The following CYYR1 variants were observed in gnomAD, a reference collection of about 807,000 sequenced individuals.
The protein encoded by CYYR1 is cysteine and tyrosine-rich protein 1.
In CYYR1, 14 loss-of-function variants were observed where a neutral mutation model predicts 15.2. That is an observed-to-expected ratio of 0.92 (90% CI 0.61 to 1.44). The LOEUF is 1.44. Among genes scored for constraint, CYYR1 ranks in the 40% most tolerant of loss-of-function variants. The pLI, the probability that CYYR1 is intolerant of heterozygous loss-of-function variation, is 0.00. For synonymous variants in CYYR1, 80 were observed against 77.4 expected (o/e 1.03, Z -0.18); for missense variants, 228 against 209.5 (o/e 1.09, Z -0.54).
intron 3 of CYYR1, among the ~76,000 whole-genome samples, chr21:26,472,035 GAA>G (rs1013977287): frequency 3.3e-5 from 5 of 152,232 alleles, no homozygotes; most frequent in South Asian, 2.1e-4. Flanking sequence ...AATTATTTCA[GAA>G]AATTTGGAAA....
chr21:26,531,720 AG>A (rs2065932689), intron 2 of CYYR1, among the ~76,000 whole-genome samples: 1 of 152,146 alleles, frequency 6.6e-6, no homozygotes, highest in Non-Finnish European at 1.5e-5. Flanking sequence ...AGTTCTTTAT[AG>A]CAGTGTGAGA....
chr21:26,516,280 C>G (rs1230265009), intron 2 of CYYR1, among the ~76,000 whole-genome samples: 1 of 152,116 alleles, frequency 6.6e-6, no homozygotes, highest in Non-Finnish European at 1.5e-5. Context: ...CCTTTGAAAG[C>G]CAACTTGAAC....
intron 2 of CYYR1, among the ~76,000 whole-genome samples, chr21:26,563,555 G>T (rs1216732940): frequency 1.3e-5 from 2 of 152,110 alleles, no homozygotes; most frequent in Non-Finnish European, 2.9e-5. Flanking sequence ...CTGGGTGACA[G>T]AATGAGACTC....
At position 26,566,334 on chromosome 21, in the gene CYYR1, T is replaced by C; in HGVS notation, c.108A>G (p.Lys36=). 1 of 1,613,822 alleles carries C rather than the reference T, an allele frequency of 6.2e-7. No homozygotes were observed. The highest frequency in any genetic ancestry group is 8.5e-7 in the Non-Finnish European group (1 of 1,179,838). ...DCLAQCGKDC[K]SYCCDGTTPY... ...GCGTGGTTCCATCACAGCAGTAAGA[T>C]TTGCAATCTTTGCCACACTGAGCAA... The change falls in exon 2 of 4, where the codon AAA becomes AAG. Residue 36 remains lysine, a synonymous_variant. Coordinates refer to ENST00000652641, the MANE Select transcript of CYYR1 (RefSeq NM_001320768.2).
intron 2 of CYYR1, among the ~76,000 whole-genome samples, chr21:26,565,912 C>A (rs1000360421): frequency 6.6e-6 from 1 of 152,072 alleles, no homozygotes; most frequent in African/African-American, 2.4e-5. Context: ...AATAACAAAT[C>A]TTAACTTGCA....
intron 2 of CYYR1, among the ~76,000 whole-genome samples, chr21:26,484,426 A>G (rs2065225208): frequency 6.6e-6 from 1 of 152,176 alleles, no homozygotes; most frequent in African/African-American, 2.4e-5. Flanking sequence ...AAATACTTCT[A>G]TAGGCATTTT....
At chr21:26,499,458 C>T (rs1214388008) in intron 2 of CYYR1, among the ~76,000 whole-genome samples, 2 of 152,172 alleles carry the variant, frequency 1.3e-5, no homozygotes, top group East Asian at 1.9e-4. Context: ...CTTCTGGTCC[C>T]CAGAACGTCA....
chr21:26,516,600 G>A (rs1015021929), intron 2 of CYYR1, among the ~76,000 whole-genome samples: 1 of 152,112 alleles, frequency 6.6e-6, no homozygotes, highest in Non-Finnish European at 1.5e-5. Flanking sequence ...TTAATTGTCT[G>A]TTTAAATAGG....
chr21:26,556,260 A>C (rs932633457), intron 2 of CYYR1, among the ~76,000 whole-genome samples: 2 of 152,186 alleles, frequency 1.3e-5, no homozygotes, highest in Admixed American at 1.3e-4. Flanking sequence ...AACCCACAAA[A>C]TGTCAGATTT....
At chr21:26,483,818 C>A (rs1031724912) in intron 2 of CYYR1, among the ~76,000 whole-genome samples, 1 of 152,078 alleles carries the variant, frequency 6.6e-6, no homozygotes, top group African/African-American at 2.4e-5. Flanking sequence ...AGCTGTGGAA[C>A]CTTGGGCATG....
At chr21:26,526,794 C>A (rs1048532663) in intron 2 of CYYR1, among the ~76,000 whole-genome samples, 11 of 152,126 alleles carry the variant, frequency 7.2e-5, no homozygotes, top group African/African-American at 2.7e-4. Flanking sequence ...ACCTCTTTAA[C>A]TTTTGGGTAA....
intron 2 of CYYR1, among the ~76,000 whole-genome samples, chr21:26,553,393 A>G (rs927439540): frequency 1.3e-5 from 2 of 151,950 alleles, no homozygotes; most frequent in African/African-American, 4.8e-5. Context: ...CAAACTTGGG[A>G]TTTTTTTAGC....
chr21:26,509,431 G>T (rs996277977), intron 2 of CYYR1, among the ~76,000 whole-genome samples: 1 of 152,100 alleles, frequency 6.6e-6, no homozygotes, highest in Non-Finnish European at 1.5e-5. Context: ...TAGAACCAAA[G>T]ACCAGTTTTT....
intron 3 of CYYR1, among the ~76,000 whole-genome samples, chr21:26,479,643 T>TC (rs1665869665): frequency 6.6e-6 from 1 of 152,150 alleles, no homozygotes; most frequent in Non-Finnish European, 1.5e-5. Context: ...AAATTATTAA[T>TC]ATATTGCCCT....
intron 2 of CYYR1, among the ~76,000 whole-genome samples, chr21:26,512,551 G>A (rs1389113427): frequency 6.6e-5 from 10 of 152,002 alleles, no homozygotes; most frequent in Non-Finnish European, 1.3e-4. Context: ...GGCCAGATCT[G>A]GTCTGCTGCC....
chr21:26,535,590 A>G (rs2065984658), intron 2 of CYYR1, among the ~76,000 whole-genome samples: 1 of 152,228 alleles, frequency 6.6e-6, no homozygotes, highest in African/African-American at 2.4e-5. Flanking sequence ...TATGGGGTTA[A>G]GTCAATGAAT....
chr21:26,485,732 C>T (rs1041486396), intron 2 of CYYR1, among the ~76,000 whole-genome samples: 3 of 152,016 alleles, frequency 2.0e-5, no homozygotes, highest in Admixed American at 1.3e-4. Context: ...TATTGTAGGG[C>T]ATTTTGGTTT....
chr21:26,491,745 A>T (rs2065331686), intron 2 of CYYR1, among the ~76,000 whole-genome samples: 1 of 152,182 alleles, frequency 6.6e-6, no homozygotes, highest in Admixed American at 6.5e-5. Context: ...CCACGTGCCT[A>T]ACCCAGTGTC....
intron 2 of CYYR1, among the ~76,000 whole-genome samples, chr21:26,560,876 T>A (rs1395139886): frequency 1.3e-5 from 2 of 152,170 alleles, no homozygotes; most frequent in Admixed American, 1.3e-4. Flanking sequence ...CGGCACCTGA[T>A]GTAGATCACT....
Sources: gnomAD v4.1 joint callset for allele counts (sites outside exome capture counted in the v4.1 genomes callset) on GRCh38, gnomAD v4.1.1 for gene constraint, MANE v1.5 for transcripts, NCBI Gene and HGNC (gene_info 2026-07-23, HGNC 2026-07-21) for gene names.